The following CACNA1D variants were observed in gnomAD, a reference collection of about 807,000 sequenced individuals.
CACNA1D encodes calcium voltage-gated channel subunit alpha1 D.
CACNA1D carries 55 observed loss-of-function variants against 257.1 expected under a neutral mutation model. That is an observed-to-expected ratio of 0.21 (90% confidence interval 0.17 to 0.27). The LOEUF is 0.27. Ranked by LOEUF, CACNA1D falls within the 10% of genes least tolerant of loss-of-function variation. The pLI, the probability that CACNA1D is intolerant of heterozygous loss-of-function variation, is 1.00. For synonymous variants in CACNA1D, 980 were observed against 1,014.9 expected, an observed-to-expected ratio of 0.97 and a Z score of 0.65; for missense variants, 1,876 against 2,784.0, an observed-to-expected ratio of 0.67 and a Z score of 7.34.
Position 53,752,984 on chromosome 3 carries a change from A to G in CACNA1D, c.3676-588A>G, listed in dbSNP as rs574633806. Among the ~76,000 whole-genome samples, 27 of 152,336 alleles carry G rather than the reference A, an allele frequency of 1.8e-4. 1 individual carries two copies. In the South Asian group the frequency reaches 3.5e-3, roughly 20 times the overall value. Reference sequence around the variant, plus strand: ...TACTCTACGAGGACAGGAAGCAAAGACCAAGGTCTAGAGCCAGCTTTTGCA... The same window carrying G: ...TACTCTACGAGGACAGGAAGCAAAGGCCAAGGTCTAGAGCCAGCTTTTGCA... On this transcript the variant is annotated intron_variant, in intron 28 of 47. Coordinates refer to ENST00000350061, the MANE Select transcript of CACNA1D (RefSeq NM_001128840.3).
At chr3:53,579,880 G>A (rs76086552) in intron 3 of CACNA1D, among the ~76,000 whole-genome samples, 1,990 of 152,330 alleles carry the variant, frequency 0.013, 41 homozygotes, top group African/African-American at 0.045. Context: ...TGCAGGCCCC[G>A]GATGCTGTGC....
chr3:53,680,398 C>A (rs76110862), intron 8 of CACNA1D, among the ~76,000 whole-genome samples: 335 of 152,066 alleles, frequency 2.2e-3, no homozygotes, highest in African/African-American at 7.9e-3. Context: ...CCAGGAGGCA[C>A]CTCTGGCCAC....
At chr3:53,771,038 G>A in intron 32 of CACNA1D, among the ~76,000 whole-genome samples, 1 of 152,236 alleles carries the variant, frequency 6.6e-6, no homozygotes, top group East Asian at 1.9e-4. Flanking sequence ...GGGTCACAGA[G>A]TTCGGGATGT....
At chr3:53,803,595 G>C (rs1013627379) in intron 44 of CACNA1D, 23 bp downstream of exon 44, 1 of 1,612,064 alleles carries the variant, frequency 6.2e-7, no homozygotes, top group Non-Finnish European at 8.5e-7. Flanking sequence ...GGCTCCTGTG[G>C]AGAGCGGGAG....
intron 29 of CACNA1D, among the ~76,000 whole-genome samples, chr3:53,756,844 T>C (rs142456482): frequency 3.3e-5 from 5 of 152,330 alleles, no homozygotes; most frequent in Non-Finnish European, 5.9e-5. Flanking sequence ...ATGTTACCCA[T>C]CTGGCGTTTT....
chr3:53,604,173 A>G (rs3774472), intron 3 of CACNA1D, among the ~76,000 whole-genome samples: 90,132 of 152,030 alleles, frequency 0.59, 28,975 homozygotes, highest in African/African-American at 0.86. Flanking sequence ...ATGAAGCACA[A>G]GGTTGATGGG....
intron 14 of CACNA1D, among the ~76,000 whole-genome samples, chr3:53,726,589 A>G (rs1412975466): frequency 6.6e-6 from 1 of 152,216 alleles, no homozygotes; most frequent in Non-Finnish European, 1.5e-5. Context: ...GTGAGCTGAG[A>G]TCAAGCCACT....
intron 5 of CACNA1D, among the ~76,000 whole-genome samples, chr3:53,664,278 C>T (rs1196341958): frequency 6.6e-6 from 1 of 152,112 alleles, no homozygotes; most frequent in African/African-American, 2.4e-5. Context: ...CCTCAAGACC[C>T]TGGCTCAAAT....
Position 53,673,593 on chromosome 3 carries a change from C to T in CACNA1D, c.1220+467C>T. The stretch of plus-strand genomic sequence containing the variant: ...AAAAAAAAAAGGGAAGGACCTAGGC[C>T]CAGTCCCTGTCCTAGGAGCACTAAC... On this transcript the variant is annotated intron_variant, in intron 8 of 47. Coordinates refer to ENST00000350061, the MANE Select transcript of CACNA1D (RefSeq NM_001128840.3). The surrounding 1 kb of genome is among the most constrained non-coding windows in gnomAD (Gnocchi z 4.1). 1.3e-6 allele frequency: 1 copy of T among 787,402 alleles called. No individual in the cohort carries two copies. The highest frequency in any genetic ancestry group is 1.4e-5 in the South Asian group (1 of 71,892). The allele number at this position is 787,402 out of a possible 1,614,324, so 48.8% of individuals were successfully genotyped here.
intron 47 of CACNA1D, 196 bp downstream of exon 47, chr3:53,810,494 C>T (rs1007460194): frequency 6.2e-6 from 4 of 642,706 alleles, no homozygotes; most frequent in Non-Finnish European, 8.4e-6. Flanking sequence ...CAGTGGCTTA[C>T]GTCTGTAATC....
intron 21 of CACNA1D, among the ~76,000 whole-genome samples, chr3:53,741,405 T>C (rs941582685): frequency 1.3e-5 from 2 of 152,248 alleles, no homozygotes; most frequent in African/African-American, 4.8e-5. Context: ...TACAAAATCT[T>C]ATATAAAATG....
intron 5 of CACNA1D, among the ~76,000 whole-genome samples, chr3:53,661,177 G>A (rs941387201): frequency 3.3e-5 from 5 of 152,172 alleles, no homozygotes; most frequent in Admixed American, 1.3e-4. Context: ...GGGCTGGTGC[G>A]TCTGAGCAAG....
At chr3:53,573,683 G>A (rs959813819) in intron 3 of CACNA1D, among the ~76,000 whole-genome samples, 5 of 152,140 alleles carry the variant, frequency 3.3e-5, no homozygotes, top group Non-Finnish European at 5.9e-5. Context: ...AGTTTCTTCT[G>A]TTCTTTCACT....
chr3:53,592,832 T>C (rs1358275639), intron 3 of CACNA1D, among the ~76,000 whole-genome samples: 2 of 152,078 alleles, frequency 1.3e-5, no homozygotes, highest in Non-Finnish European at 2.9e-5. Flanking sequence ...GCCTCCCAGG[T>C]GCCTGCCACC....
At position 53,547,228 on chromosome 3, in the gene CACNA1D, T is replaced by A. The variant is rs2092431340; in HGVS notation, c.483+45508T>A. Among the ~76,000 whole-genome samples, 4 of 152,196 alleles carry A rather than the reference T, an allele frequency of 2.6e-5. 1 individual carries two copies. The highest frequency in any genetic ancestry group is 2.6e-4 in the Admixed American group (4 of 15,288). On this transcript the variant is annotated intron_variant, in intron 3 of 47. Transcript: ENST00000350061. ...CATTAAGGCTCACTGGTTGTGGTCC[T>A]AAGTGCTCCCCTGCCTTTGCCTGCT... is the stretch of plus-strand genomic sequence containing the variant.
intron 2 of CACNA1D, 101 bp downstream of exon 2, chr3:53,497,562 A>C: frequency 8.2e-7 from 1 of 1,215,018 alleles, no homozygotes; most frequent in South Asian, 1.2e-5. Flanking sequence ...AGCAGTCTGG[A>C]ATGCGAGTAA....
chr3:53,772,233 G>A (rs1009669440), intron 32 of CACNA1D, among the ~76,000 whole-genome samples: 4 of 152,108 alleles, frequency 2.6e-5, no homozygotes, highest in East Asian at 3.9e-4. Context: ...CCCCAACTTA[G>A]CAGTTCTTTC....
rs114254166 is a variant in CACNA1D, at chr3:53,744,966, C to T, written c.3006+139C>T. ...AGGACCTTTCTAACCAATTCAGCCACCTGTGCCAAGTGCTAATGGCATTTT... is the reference window on the plus strand; with the variant it reads ...AGGACCTTTCTAACCAATTCAGCCATCTGTGCCAAGTGCTAATGGCATTTT... On this transcript the variant is annotated intron_variant, in intron 23 of 47. Coordinates refer to ENST00000350061, the MANE Select transcript of CACNA1D (RefSeq NM_001128840.3). The T allele has an allele frequency of 0.012, 7,638 of 641,224 alleles. 418 individuals are homozygous for T. The African/African-American group carries it at 0.12, about 10-fold the overall frequency. The allele number at this position is 641,224 out of a possible 1,614,324, so 39.7% of individuals were successfully genotyped here.
At chr3:53,505,823 C>G (rs890697937) in intron 3 of CACNA1D, among the ~76,000 whole-genome samples, 1 of 152,170 alleles carries the variant, frequency 6.6e-6, no homozygotes, top group Non-Finnish European at 1.5e-5. Flanking sequence ...AGTGCTGGGA[C>G]CTGTCTGAGA....
Sources: gnomAD v4.1 joint callset for allele counts (sites outside exome capture counted in the v4.1 genomes callset) on GRCh38, gnomAD v4.1.1 for gene constraint, Gnocchi (gnomAD v3.1) non-coding constraint, MANE v1.5 for transcripts, NCBI Gene and HGNC (gene_info 2026-07-23, HGNC 2026-07-21) for gene names.